Variants in PLCG2 observed in about 807,000 individuals in gnomAD.
The protein encoded by PLCG2 is 1-phosphatidylinositol 4,5-bisphosphate phosphodiesterase gamma-2.
A neutral mutation model predicts 175.6 loss-of-function variants in PLCG2; 69 were observed. The observed-to-expected ratio is 0.39, with a 90% CI of 0.32 to 0.48. The LOEUF is 0.48. Among genes scored for constraint, PLCG2 ranks in the 20% least tolerant of loss-of-function variants. The pLI is 0.91. For missense variants in PLCG2, 1,798 were observed against 1,650.9 expected (o/e 1.09, Z -1.54); for synonymous variants, 827 against 624.0 (o/e 1.33, Z -4.85).
intron 2 of PLCG2, among the ~76,000 whole-genome samples, chr16:81,807,000 A>T (rs796544904): frequency 5.3e-5 from 8 of 152,204 alleles, no homozygotes; most frequent in African/African-American, 1.9e-4. Context: ...TGGATGACGG[A>T]TGACTGATAT....
At chr16:81,867,055 G>T (rs984390489) in intron 5 of PLCG2, among the ~76,000 whole-genome samples, 1 of 152,260 alleles carries the variant, frequency 6.6e-6, no homozygotes, top group African/African-American at 2.4e-5. Flanking sequence ...CCAGTAAGTG[G>T]GTGGGGAGCA....
At chr16:81,942,177 G>A (rs114849889) in intron 30 of PLCG2, among the ~76,000 whole-genome samples, 1,972 of 152,226 alleles carry the variant, frequency 0.013, 48 homozygotes, top group African/African-American at 0.045. Context: ...TTACCCCGAC[G>A]TCCTCTTGAA....
intron 1 of PLCG2, among the ~76,000 whole-genome samples, chr16:81,743,766 C>T: frequency 6.6e-6 from 1 of 152,334 alleles, no homozygotes; most frequent in East Asian, 1.9e-4. Flanking sequence ...TGAAGAAAGA[C>T]TAAGTCCCAA....
chr16:81,746,001 G>A (rs1398107776), intron 1 of PLCG2, among the ~76,000 whole-genome samples: 4 of 152,214 alleles, frequency 2.6e-5, no homozygotes, highest in Non-Finnish European at 5.9e-5. Flanking sequence ...AGTGTGTAAA[G>A]GAGGAAGAAC....
chr16:81,810,574 T>C (rs1045421081), intron 2 of PLCG2, among the ~76,000 whole-genome samples: 13 of 152,296 alleles, frequency 8.5e-5, no homozygotes, highest in East Asian at 7.7e-4. Flanking sequence ...CCTTCCTGTT[T>C]TAGCTTTCTT....
chr16:81,785,835 T>G (rs928086376), intron 1 of PLCG2, 108 bp from the exon 2 acceptor site: 64 of 673,486 alleles, frequency 9.5e-5, no homozygotes, highest in Non-Finnish European at 2.8e-5. Context: ...CTCCTAAAAC[T>G]CATCCTGATT....
At chr16:81,951,965 G>GT (rs1431816708) in intron 31 of PLCG2, among the ~76,000 whole-genome samples, 1 of 152,118 alleles carries the variant, frequency 6.6e-6, no homozygotes, top group African/African-American at 2.4e-5. Flanking sequence ...AGAGACTGAT[G>GT]TTTATTTTTC....
At chr16:81,750,971 CTTTTTTTTTTTTT>C (rs34518159) in intron 1 of PLCG2, among the ~76,000 whole-genome samples, 42 of 41,732 alleles carry the variant, frequency 1.0e-3, no homozygotes, top group Admixed American at 1.8e-3. Context: ...CCGCACCCAG[CTTTTTTTTTTTTT>C]TTTTTTTTTT....
intron 5 of PLCG2, among the ~76,000 whole-genome samples, chr16:81,866,357 C>T (rs1158161825): frequency 4.3e-5 from 6 of 138,502 alleles, no homozygotes. Context: ...TCCCTTGCTC[C>T]CAGGTTGAGC....
chr16:81,918,429 C>G (rs1473169629), intron 19 of PLCG2, among the ~76,000 whole-genome samples: 13 of 152,038 alleles, frequency 8.6e-5, no homozygotes, highest in Admixed American at 7.2e-4. Flanking sequence ...GCTATTATTT[C>G]TATATAGGAA....
chr16:81,841,735 T>C (rs1315399523), intron 2 of PLCG2, among the ~76,000 whole-genome samples: 1 of 152,220 alleles, frequency 6.6e-6, no homozygotes, highest in African/African-American at 2.4e-5. Flanking sequence ...CTCTACCGTG[T>C]GTGCCTCGGA....
At chr16:81,921,596 C>T in intron 21 of PLCG2, 1 of 374,064 alleles carries the variant, frequency 2.7e-6, no homozygotes, top group Non-Finnish European at 5.1e-6. Flanking sequence ...TTTATAAATT[C>T]CATTTGGTTC....
At chr16:81,746,862 A>G (rs916943734) in intron 1 of PLCG2, among the ~76,000 whole-genome samples, 2 of 152,190 alleles carry the variant, frequency 1.3e-5, no homozygotes, top group Non-Finnish European at 2.9e-5. Flanking sequence ...CTTTGTAACC[A>G]GGAGTATGAA....
At chr16:81,801,685 A>T (rs1185496282) in intron 2 of PLCG2, among the ~76,000 whole-genome samples, 2 of 149,398 alleles carry the variant, frequency 1.3e-5, no homozygotes, top group Non-Finnish European at 3.0e-5. Context: ...ATTTTCTTTA[A>T]TTTTTTTTTT....
intron 8 of PLCG2, among the ~76,000 whole-genome samples, chr16:81,881,909 C>T (rs1044358773): frequency 2.0e-5 from 3 of 152,016 alleles, no homozygotes; most frequent in African/African-American, 7.3e-5. Flanking sequence ...GCCTTGGCCT[C>T]CCGAAGTGCT....
chr16:81,955,943 A>G (rs921024654), intron 31 of PLCG2, among the ~76,000 whole-genome samples: 1 of 152,216 alleles, frequency 6.6e-6, no homozygotes, highest in Non-Finnish European at 1.5e-5. Context: ...TCACTCATTT[A>G]AAGTGTACAA....
chr16:81,758,086 C>T (rs1475678004), intron 2 of PLCG2, among the ~76,000 whole-genome samples: 1 of 152,188 alleles, frequency 6.6e-6, no homozygotes, highest in African/African-American at 2.4e-5. Flanking sequence ...AGCGATCCTC[C>T]CACCTCAGCC....
At chr16:81,831,585 T>C (rs139890311) in intron 2 of PLCG2, among the ~76,000 whole-genome samples, 2 of 152,264 alleles carry the variant, frequency 1.3e-5, no homozygotes, top group African/African-American at 4.8e-5. Context: ...CCTGGCTGGG[T>C]CTCTGACCAG....
intron 2 of PLCG2, among the ~76,000 whole-genome samples, chr16:81,834,903 T>C (rs1192853197): frequency 6.6e-6 from 1 of 152,182 alleles, no homozygotes; most frequent in Non-Finnish European, 1.5e-5. Context: ...GCAGCCTTGG[T>C]CCATTGTAGA....
Sources: gnomAD v4.1 joint callset for allele counts (sites outside exome capture counted in the v4.1 genomes callset) on GRCh38, gnomAD v4.1.1 for gene constraint, MANE v1.5 for transcripts, NCBI Gene and HGNC (gene_info 2026-07-23, HGNC 2026-07-21) for gene names.